The following LY6E variants were observed in gnomAD, a reference collection of about 807,000 sequenced individuals.
LY6E encodes lymphocyte antigen 6 family member E.
A neutral mutation model predicts 7.7 loss-of-function variants in LY6E; 4 were observed. The ratio of observed to expected loss-of-function variants is 0.52; its 90% CI spans 0.25 to 1.18. The LOEUF (loss-of-function observed/expected upper bound fraction) is 1.18. Ranked by LOEUF, LY6E falls within the 50% of genes most tolerant of loss-of-function variation. LY6E has a pLI of 0.14. For synonymous variants in LY6E, 81 were observed against 80.1 expected (o/e 1.01, Z -0.06); for missense variants, 156 against 168.0 (o/e 0.93, Z 0.40).
At chr8:143,019,697 T>C (rs58558679) in intron 1 of LY6E, among the ~76,000 whole-genome samples, 78,150 of 152,052 alleles carry the variant, frequency 0.51, 22,256 homozygotes, top group Non-Finnish European at 0.65. Flanking sequence ...CCTTAGGGCC[T>C]CTGCGGGCCC....
chr8:143,020,197 A>T (rs1819183038), intron 1 of LY6E: 1 of 152,290 alleles, frequency 6.6e-6, no homozygotes, highest in Non-Finnish European at 1.5e-5. Flanking sequence ...GATACAGATT[A>T]GCTAATATAC....
Position 143,021,406 on chromosome 8 carries a change from G to C in LY6E, c.145G>C (p.Val49Leu), listed in dbSNP as rs769834202. 5.6e-6 allele frequency: 9 copies of C among 1,613,888 alleles called. No homozygotes were observed. Among genetic ancestry groups the C allele is most frequent in the African/African-American group, 1.3e-5 (1 of 74,926 alleles). Residue 49 changes from valine to leucine, a missense_variant, in exon 3 of 4, where the codon GTG (valine) becomes CTG (leucine). Physicochemically the swap from Val to Leu is conservative, Grantham distance 32. Transcript: ENST00000292494. ...CTGCTCCGACCAGGACAACTACTGC[G>C]TGACTGTGTCTGCTAGTGCCGGCAT... ...TICSDQDNYC[V>L]TVSASAGIGN...
intron 1 of LY6E, chr8:143,019,132 G>A (rs1819146303): frequency 6.6e-6 from 1 of 152,334 alleles, no homozygotes; most frequent in African/African-American, 2.4e-5. Context: ...GAGGTCCAAG[G>A]AGCCCAGCCT....
chr8:143,021,280 G>C (rs1218542163), intron 2 of LY6E, 34 bp from the exon 3 acceptor site: 1 of 1,605,814 alleles, frequency 6.2e-7, no homozygotes, highest in African/African-American at 1.3e-5. Context: ...GACACTGGAG[G>C]CTTCCCTGAG....
In LY6E at chr8:143,021,422, G is replaced by C; in HGVS notation, c.161G>C (p.Ser54Thr). 6.2e-7 allele frequency: 1 copy of C among 1,613,964 alleles called. No homozygotes were observed. Among genetic ancestry groups the C allele is most frequent in the South Asian group, 1.1e-5 (1 of 91,080 alleles). The part of the protein sequence containing the change: ...QDNYCVTVSA[S>T]AGIGNLVTFG... ...AACTACTGCGTGACTGTGTCTGCTA[G>C]TGCCGGCATTGGTGAGTGCCAGGCC... Residue 54 changes from serine (S) to threonine (T), a missense_variant, in exon 3 of 4, where the codon AGT (serine) becomes ACT (threonine). Ser to Thr is a moderately conservative substitution (Grantham distance 58, BLOSUM62 1). Coordinates refer to ENST00000292494, the MANE Select transcript of LY6E (RefSeq NM_002346.3).
Position 143,021,693 on chromosome 8 carries a change from C to T in LY6E, c.300C>T (p.Phe100=). Residue 100 remains phenylalanine (F), a synonymous_variant, in exon 4 of 4, where the codon TTC becomes TTT. Coordinates refer to ENST00000292494, the MANE Select transcript of LY6E (RefSeq NM_002346.3). ...GCTGCCAGAGCTTTCTGTGCAATTT[C>T]AGTGCGGCCGATGGCGGGCTGCGGG... ...ISCCQSFLCN[F]SAADGGLRAS... is the part of the protein sequence containing the mutation. The T allele has an allele frequency of 6.2e-7, 1 of 1,613,696 alleles. No individual in the cohort carries two copies. The highest frequency in any genetic ancestry group is 8.5e-7 in the Non-Finnish European group (1 of 1,180,032).
Position 143,021,067 on chromosome 8 carries a change from A to C in LY6E, c.52+76A>C, listed in dbSNP as rs931409836. 6.6e-6 allele frequency: 10 copies of C among 1,523,202 alleles called. No homozygotes were observed. The South Asian group carries it at 1.0e-4, about 16-fold the overall frequency. 94.4% of individuals were successfully genotyped at this position (1,523,202 alleles called of 1,614,324 possible). On this transcript the variant is annotated intron_variant, in intron 2 of 3. Transcript: ENST00000292494. ...ACTCCCTCTCCACCCCTCTCCCCTG[A>C]GCAGACGCCCCAGGGGTCCTTCCAG...
At chr8:143,021,039 T>A in intron 2 of LY6E, 48 bp downstream of exon 2, 1 of 1,595,332 alleles carries the variant, frequency 6.3e-7, no homozygotes, top group Non-Finnish European at 8.6e-7. Context: ...TGTGCCCTGC[T>A]CCACTCCCTC....
rs780832744 is a variant in LY6E at position 143,020,989 on chromosome 8, G to A, written c.50G>A (p.Arg17Gln). The change falls in exon 2 of 4, where the codon CGA becomes CAA. Residue 17 changes from arginine to glutamine, a missense_variant and splice_region_variant. Physicochemically the swap from Arg to Gln is conservative, Grantham distance 43. Coordinates refer to ENST00000292494, the MANE Select transcript of LY6E (RefSeq NM_002346.3). Reference protein sequence around the residue: ...VLLAALLGVERASSLMCFSCL... With the variant: ...VLLAALLGVEQASSLMCFSCL... ...CTGGCTGCCCTTCTGGGTGTGGAGC[G>A]AGGTGAGGTGCCCTTGGGGACCCCA... is the stretch of plus-strand genomic sequence containing the variant. 1.7e-5 allele frequency: 26 copies of A among 1,533,292 alleles called. No individual in the cohort carries two copies. Among genetic ancestry groups the A allele is most frequent in the African/African-American group, 7.9e-5 (5 of 63,580 alleles). 95.0% of individuals were successfully genotyped at this position (1,533,292 alleles called of 1,614,324 possible).
chr8:143,020,609 C>T (rs1406997915), intron 1 of LY6E, among the ~76,000 whole-genome samples: 2 of 152,228 alleles, frequency 1.3e-5, no homozygotes, highest in Admixed American at 6.5e-5. Flanking sequence ...TGGCAGAGGC[C>T]ACTCACTCTG....
At chr8:143,020,061 C>T (rs567314502) in intron 1 of LY6E, among the ~76,000 whole-genome samples, 8 of 152,246 alleles carry the variant, frequency 5.3e-5, no homozygotes, top group African/African-American at 9.6e-5. Flanking sequence ...GTGCTTTCCT[C>T]GGAACTGAGT....
At chr8:143,020,246 CTTT>C (rs1006697628) in intron 1 of LY6E, 1 of 152,298 alleles carries the variant, frequency 6.6e-6, no homozygotes, top group Non-Finnish European at 1.5e-5. Flanking sequence ...ATAGATTTCT[CTTT>C]TTTTTGAGAC....
chr8:143,020,739 G>A (rs1025690553), intron 1 of LY6E, 144 bp from the exon 2 acceptor site: 1 of 606,000 alleles, frequency 1.7e-6, no homozygotes, highest in Non-Finnish European at 3.0e-6. Context: ...GTGAGGAGTG[G>A]GTCAGGAGAG....
In LY6E at chr8:143,019,338, GC is replaced by G. The variant is rs1819157132; in HGVS notation, c.-58+755del. 3.3e-5 allele frequency among the ~76,000 whole-genome samples: 5 copies of G among 152,346 alleles called. No individual in the cohort carries two copies. In the South Asian group the frequency reaches 1.0e-3, roughly 32 times the overall value. On this transcript the variant is annotated intron_variant, in intron 1 of 3. Transcript: ENST00000292494. ...CGGCTGGCTCCCTCCGGGCTCCATG[GC>G]CCACCCGGCCTTCCTAATTGCCTTC...
rs1198647073 is a variant in LY6E at position 143,021,630 on chromosome 8, AGGCGTCAAT to A, written c.239_247del (p.Gly80_Asn82del). ...GTTCCCCGGCCTGCCCCATCCCAGA[AGGCGTCAAT>A]GTTGGTGTGGCTTCCATGGGCATCA... is the stretch of plus-strand genomic sequence containing the variant. On this transcript the variant is annotated inframe_deletion, in exon 4 of 4. Transcript: ENST00000292494. The A allele has an allele frequency of 1.2e-6, 2 of 1,613,844 alleles. No individual in the cohort carries two copies. The highest frequency in any genetic ancestry group is 3.3e-5 in the Admixed American group (2 of 60,008).
intron 1 of LY6E, among the ~76,000 whole-genome samples, chr8:143,019,833 C>G (rs1333841237): frequency 1.3e-5 from 2 of 152,236 alleles, no homozygotes; most frequent in Non-Finnish European, 2.9e-5. Flanking sequence ...GCAGCCTCCC[C>G]CTCCAACACC....
chr8:143,021,061 C>T, intron 2 of LY6E, 70 bp downstream of exon 2: 6 of 1,559,072 alleles, frequency 3.8e-6, no homozygotes, highest in Non-Finnish European at 4.4e-6. Context: ...CCACCCCTCT[C>T]CCCTGAGCAG....
In LY6E at chr8:143,020,977, TG is replaced by T; in HGVS notation, c.41del (p.Gly14ValfsTer8). 1.2e-6 allele frequency: 2 copies of T among 1,613,968 alleles called. No individual in the cohort carries two copies. Among genetic ancestry groups the T allele is most frequent in the Non-Finnish European group, 1.7e-6 (2 of 1,180,000 alleles). ...IFLPVLLAALLGVERASSLMC... is the reference protein window; with the variant it reads ...IFLPVLLAALXGVERASSLMC... Reference sequence around the variant, plus strand: ...TTGCCAGTGCTGCTGGCTGCCCTTCTGGGTGTGGAGCGAGGTGAGGTGCCCT... The same window carrying T: ...TTGCCAGTGCTGCTGGCTGCCCTTCTGGTGTGGAGCGAGGTGAGGTGCCCT... On this transcript the variant is annotated frameshift_variant, in exon 2 of 4. Coordinates refer to ENST00000292494, the MANE Select transcript of LY6E (RefSeq NM_002346.3). LOFTEE classifies it high-confidence loss of function.
Position 143,021,833 on chromosome 8 carries a change from GC to G in LY6E, c.*47del. 6.5e-7 allele frequency: 1 copy of G among 1,531,916 alleles called. No homozygotes were observed. 94.9% of individuals were successfully genotyped at this position (1,531,916 alleles called of 1,614,324 possible). A position where few individuals can be genotyped will look rare whatever the true frequency, so the allele number is the denominator to read the frequency against. On this transcript the variant is annotated 3_prime_UTR_variant, in exon 4 of 4. Coordinates refer to ENST00000292494, the MANE Select transcript of LY6E (RefSeq NM_002346.3). ...CCGATCCCCCAGCTCAGGAAGGAAAGCCCAGCCCTTTCTGGATCCCACAGTG... is the reference window on the plus strand; with the variant it reads ...CCGATCCCCCAGCTCAGGAAGGAAAGCCAGCCCTTTCTGGATCCCACAGTG...
Sources: gnomAD v4.1 joint callset for allele counts (sites outside exome capture counted in the v4.1 genomes callset) on GRCh38, gnomAD v4.1.1 for gene constraint, MANE v1.5 for transcripts, NCBI Gene and HGNC (gene_info 2026-07-23, HGNC 2026-07-21) for gene names.